Variants in PDE1C observed in about 807,000 individuals in gnomAD.
PDE1C encodes phosphodiesterase 1C, also known as dual specificity calcium/calmodulin-dependent 3',5'-cyclic nucleotide phosphodiesterase 1C.
A neutral mutation model predicts 93.1 loss-of-function variants in PDE1C; 62 were observed. The observed-to-expected ratio is 0.67, with a 90% CI of 0.54 to 0.82. The LOEUF (loss-of-function observed/expected upper bound fraction) is 0.82. PDE1C is among the 40% of genes least tolerant of loss of function. PDE1C has a pLI of 0.00. For missense variants in PDE1C, 742 were observed against 884.6 expected (o/e 0.84, Z 2.04); for synonymous variants, 325 against 310.1 (o/e 1.05, Z -0.50).
chr7:31,963,318 C>T (rs1040916545), intron 2 of PDE1C, among the ~76,000 whole-genome samples: 1 of 152,146 alleles, frequency 6.6e-6, no homozygotes, highest in South Asian at 2.1e-4. Context: ...GATTATTTTG[C>T]TCAGCAAATA....
chr7:32,210,612 T>A (rs538538174), intron 1 of PDE1C, among the ~76,000 whole-genome samples: 200 of 152,312 alleles, frequency 1.3e-3, no homozygotes, highest in East Asian at 4.4e-3. Flanking sequence ...AGCAATTTTT[T>A]AAAAATTAAT....
intron 2 of PDE1C, among the ~76,000 whole-genome samples, chr7:32,049,692 A>AT (rs371924021): frequency 9.2e-5 from 14 of 152,196 alleles, no homozygotes; most frequent in African/African-American, 3.4e-4. Flanking sequence ...TGCATTAATG[A>AT]TTTTTTTAAT....
chr7:31,641,230 T>A, the PDE1C span, among the ~76,000 whole-genome samples: 1 of 152,210 alleles, frequency 6.6e-6, no homozygotes, highest in African/African-American at 2.4e-5. Context: ...CAGCAGTTGT[T>A]CAAGCAAAGG....
chr7:31,949,179 C>T (rs1412408100), intron 2 of PDE1C, among the ~76,000 whole-genome samples: 1 of 152,168 alleles, frequency 6.6e-6, no homozygotes, highest in Non-Finnish European at 1.5e-5. Flanking sequence ...TGACTACCAG[C>T]TGGGCACAGT....
chr7:31,817,454 C>T (rs2128726066), intron 14 of PDE1C, among the ~76,000 whole-genome samples: 1 of 152,160 alleles, frequency 6.6e-6, no homozygotes, highest in South Asian at 2.1e-4. Context: ...TCATGCAGGG[C>T]TTTGGAGGCA....
intron 1 of PDE1C, among the ~76,000 whole-genome samples, chr7:32,409,275 C>T (rs535032758): frequency 1.2e-4 from 18 of 152,014 alleles, no homozygotes; most frequent in South Asian, 2.1e-4. Context: ...TGGGGAGGAT[C>T]GCTTGAACCC....
At chr7:31,654,185 G>A in the PDE1C span, among the ~76,000 whole-genome samples, 5 of 152,312 alleles carry the variant, frequency 3.3e-5, 1 homozygote, top group African/African-American at 1.2e-4. Context: ...GCCTGTGGAA[G>A]GCCTTGCTAA....
chr7:32,267,437 G>A (rs769986371), intron 1 of PDE1C, among the ~76,000 whole-genome samples: 1 of 152,124 alleles, frequency 6.6e-6, no homozygotes, highest in Admixed American at 6.5e-5. Context: ...TCCACGTAAG[G>A]AACAGATGAA....
intron 2 of PDE1C, among the ~76,000 whole-genome samples, chr7:32,006,344 T>A: frequency 6.6e-6 from 1 of 152,126 alleles, no homozygotes; most frequent in East Asian, 1.9e-4. Context: ...TGAAAAAAAA[T>A]TGTCTTATTT....
intron 1 of PDE1C, among the ~76,000 whole-genome samples, chr7:32,062,042 G>T (rs1794873889): frequency 6.6e-6 from 1 of 151,992 alleles, no homozygotes; most frequent in Non-Finnish European, 1.5e-5. Context: ...AACTGCTCTT[G>T]CCTTCCCCAT....
intron 17 of PDE1C, among the ~76,000 whole-genome samples, chr7:31,759,873 C>G (rs1186774978): frequency 6.6e-6 from 1 of 152,118 alleles, no homozygotes; most frequent in Admixed American, 6.5e-5. Flanking sequence ...CTCTCTCTCT[C>G]TCTGTCTCTC....
rs74382881 is a variant in PDE1C, at chr7:32,043,497, C to T, written c.128+8057G>A. Reference sequence around the variant, plus strand: ...CGGTCTTATTAGGCAATCTAAGAAACTTACTCTCAAAACCATTTTGGCAAA... The same window carrying T: ...CGGTCTTATTAGGCAATCTAAGAAATTTACTCTCAAAACCATTTTGGCAAA... On this transcript the variant is annotated intron_variant, in intron 2 of 17. Coordinates refer to ENST00000396191, the MANE Select transcript of PDE1C (RefSeq NM_001191057.4). Among the ~76,000 whole-genome samples, 470 of 152,230 alleles carry T rather than the reference C, an allele frequency of 3.1e-3. 1 individual carries two copies. Among genetic ancestry groups the T allele is most frequent in the African/African-American group, 0.01 (427 of 41,548 alleles).
intron 2 of PDE1C, among the ~76,000 whole-genome samples, chr7:31,963,939 T>G (rs1036404270): frequency 7.2e-5 from 11 of 152,216 alleles, no homozygotes; most frequent in Admixed American, 5.2e-4. Context: ...GAAGCATGAC[T>G]TTATCTGTGT....
chr7:32,156,790 C>T (rs1801601467), intron 3 of PDE1C, among the ~76,000 whole-genome samples: 1 of 152,150 alleles, frequency 6.6e-6, no homozygotes, highest in Non-Finnish European at 1.5e-5. Context: ...TTAAGTGATG[C>T]TAGAACCACT....
chr7:31,764,670 C>T (rs1171784747), intron 17 of PDE1C, among the ~76,000 whole-genome samples: 1 of 152,198 alleles, frequency 6.6e-6, no homozygotes, highest in Non-Finnish European at 1.5e-5. Flanking sequence ...GGAAGCCATT[C>T]CTGAGCCAGT....
intron 1 of PDE1C, among the ~76,000 whole-genome samples, chr7:32,386,817 G>A (rs1163044132): frequency 6.6e-6 from 1 of 151,986 alleles, no homozygotes; most frequent in African/African-American, 2.4e-5. Context: ...CCAAATAGCC[G>A]TCAAAGAGGT....
At chr7:32,174,617 A>G (rs1034409262) in intron 2 of PDE1C, among the ~76,000 whole-genome samples, 2 of 152,236 alleles carry the variant, frequency 1.3e-5, no homozygotes, top group Non-Finnish European at 2.9e-5. Context: ...GGCAGTGTCC[A>G]GAGATCGGGT....
At chr7:31,968,659 C>T (rs1234624385) in intron 2 of PDE1C, among the ~76,000 whole-genome samples, 3 of 152,156 alleles carry the variant, frequency 2.0e-5, no homozygotes, top group Admixed American at 2.0e-4. Flanking sequence ...CAGGTCAATC[C>T]TAAGCCAAAA....
intron 1 of PDE1C, among the ~76,000 whole-genome samples, chr7:32,287,367 G>C (rs2128895371): frequency 6.6e-6 from 1 of 152,198 alleles, no homozygotes; most frequent in Middle Eastern, 3.4e-3. Flanking sequence ...GATCCACCTG[G>C]AGGCTCTCCC....
Sources: allele counts gnomAD v4.1 joint callset (sites outside exome capture counted in the v4.1 genomes callset), GRCh38; gene constraint gnomAD v4.1.1; transcripts MANE v1.5; gene names NCBI Gene and HGNC (gene_info 2026-07-23, HGNC 2026-07-21).